The following AMN1 variants were observed in gnomAD, a reference collection of about 807,000 sequenced individuals.
AMN1 encodes the protein antagonist of mitotic exit network 1 homolog, also known as protein AMN1 homolog.
Under a neutral mutation model 33.0 loss-of-function variants are expected in AMN1, and 20 were observed. The ratio of observed to expected loss-of-function variants is 0.61; its 90% CI spans 0.43 to 0.88. The LOEUF (loss-of-function observed/expected upper bound fraction) is 0.88. AMN1 is among the 40% of genes least tolerant of loss of function. The probability of loss-of-function intolerance (pLI) is 0.00; values close to 1 mark genes in which losing one functional copy is unlikely to be tolerated. For synonymous variants in AMN1, 114 were observed against 111.9 expected, an observed-to-expected ratio of 1.02 and a Z score of -0.12; for missense variants, 246 against 307.4, an observed-to-expected ratio of 0.80 and a Z score of 1.49.
chr12:31,697,730 T>G lies in AMN1; in HGVS notation c.534+10A>C, dbSNP rs772724232. ...ATAGTCTATATGTTTGTAGCCTATA[T>G]GTCATTTACCTGAGTAGCTGAAAAG... On this transcript the variant is annotated intron_variant, in intron 4 of 6. Transcript: ENST00000281471. The G allele has an allele frequency of 1.4e-5, 23 of 1,611,288 alleles. No homozygotes were observed. Among genetic ancestry groups the G allele is most frequent in the Non-Finnish European group, 1.9e-5 (22 of 1,177,422 alleles).
chr12:31,724,072 A>T (rs1424535081), intron 1 of AMN1, among the ~76,000 whole-genome samples: 1 of 151,904 alleles, frequency 6.6e-6, no homozygotes, highest in African/African-American at 2.4e-5. Flanking sequence ...ACATTCTAAG[A>T]CTCCCTGTGG....
intron 1 of AMN1, among the ~76,000 whole-genome samples, chr12:31,710,857 T>C (rs1429489315): frequency 6.6e-6 from 1 of 152,182 alleles, no homozygotes; most frequent in Non-Finnish European, 1.5e-5. Context: ...TTTCTATTAG[T>C]AGTGTCAGAA....
chr12:31,676,427 T>G (rs1352369704), intron 6 of AMN1, among the ~76,000 whole-genome samples: 1 of 150,882 alleles, frequency 6.6e-6, no homozygotes, highest in East Asian at 2.0e-4. Context: ...CTGGGCAACA[T>G]GGCGAAACCC....
chr12:31,683,304 T>C lies in AMN1; in HGVS notation c.703+5703A>G, dbSNP rs559855665. Among the ~76,000 whole-genome samples, 1 of 152,362 alleles carries C rather than the reference T, an allele frequency of 6.6e-6. No individual in the cohort carries two copies. The highest frequency in any genetic ancestry group is 6.5e-5 in the Admixed American group (1 of 15,300). ...TCTTGCTGCAAATGTTGAAGTTGACTGATAATTTTTCTTTACCATAAAGCA... is the reference window on the plus strand; with the variant it reads ...TCTTGCTGCAAATGTTGAAGTTGACCGATAATTTTTCTTTACCATAAAGCA... On this transcript the variant is annotated intron_variant, in intron 6 of 6. Coordinates refer to ENST00000281471, the MANE Select transcript of AMN1 (RefSeq NM_001113402.2). The surrounding 1 kb of genome is among the most constrained non-coding windows in gnomAD (Gnocchi z 4.1).
upstream of AMN1, chr12:31,729,155 C>G: frequency 2.3e-6 from 2 of 860,530 alleles, no homozygotes; most frequent in Non-Finnish European, 3.5e-6. Context: ...GGCCACGCTT[C>G]GGACTCCACA....
intron 2 of AMN1, chr12:31,708,766 A>G (rs139383105): frequency 5.8e-6 from 1 of 171,084 alleles, no homozygotes; most frequent in East Asian, 1.8e-4. Flanking sequence ...ACCAGCCGAC[A>G]CTTAGGAAAA....
In AMN1 at chr12:31,687,469, T is replaced by C. The variant is rs1938313330; in HGVS notation, c.703+1538A>G. ...ACTTTGGGAGGCTGGGGTGGGTGGA[T>C]CATGAGGTCAGGAGCCTGGCCTGAC... On this transcript the variant is annotated intron_variant, in intron 6 of 6. Coordinates refer to ENST00000281471, the MANE Select transcript of AMN1 (RefSeq NM_001113402.2). The surrounding 1 kb of genome is among the most constrained non-coding windows in gnomAD (Gnocchi z 4.1). Among the ~76,000 whole-genome samples the C allele has an allele frequency of 6.6e-6, 1 of 152,056 alleles. No individual in the cohort carries two copies.
chr12:31,696,280 G>GTATTTGTT (rs1555187226), intron 5 of AMN1, among the ~76,000 whole-genome samples: 1 of 149,968 alleles, frequency 6.7e-6, no homozygotes, highest in East Asian at 2.0e-4. Context: ...AAATAAAAAA[G>GTATTTGTT]TATTTATTTA....
intron 1 of AMN1, among the ~76,000 whole-genome samples, chr12:31,711,237 A>G (rs1939454108): frequency 6.6e-6 from 1 of 151,716 alleles, no homozygotes; most frequent in South Asian, 2.1e-4. Flanking sequence ...TGTTATCTCC[A>G]TTTCCCACTC....
chr12:31,719,745 T>C (rs1329434761), intron 1 of AMN1, among the ~76,000 whole-genome samples: 2 of 152,148 alleles, frequency 1.3e-5, no homozygotes, highest in African/African-American at 2.4e-5. Flanking sequence ...GCAATTCCAG[T>C]TGGAGGTATC....
chr12:31,723,801 T>C (rs1191642486), intron 1 of AMN1, among the ~76,000 whole-genome samples: 2 of 152,132 alleles, frequency 1.3e-5, no homozygotes, highest in Non-Finnish European at 2.9e-5. Flanking sequence ...TCTCTGGCCC[T>C]TCACAGAAAG....
chr12:31,692,931 A>G (rs1938567401), intron 5 of AMN1, among the ~76,000 whole-genome samples: 1 of 152,220 alleles, frequency 6.6e-6, no homozygotes, highest in African/African-American at 2.4e-5. Flanking sequence ...CCACATATCT[A>G]GAATTGTATT....
intron 6 of AMN1, 44 bp downstream of exon 6, chr12:31,688,963 A>C (rs761495425): frequency 7.5e-7 from 1 of 1,330,040 alleles, no homozygotes; most frequent in Non-Finnish European, 1.1e-6. Flanking sequence ...CACACAGTAA[A>C]AGATGAAGCC....
At chr12:31,708,322 G>T (rs573390447) in intron 2 of AMN1, among the ~76,000 whole-genome samples, 2 of 152,126 alleles carry the variant, frequency 1.3e-5, no homozygotes, top group African/African-American at 2.4e-5. Context: ...TCCTATGGGA[G>T]TGTCTGTCCT....
intron 2 of AMN1, 51 bp from the exon 3 acceptor site, chr12:31,702,058 A>ATTTG: frequency 7.0e-7 from 1 of 1,428,016 alleles, no homozygotes; most frequent in Non-Finnish European, 9.4e-7. Context: ...ATAAATACAA[A>ATTTG]TATTTATTCC....
chr12:31,684,978 A>G (rs1385384848), intron 6 of AMN1, among the ~76,000 whole-genome samples: 2 of 151,752 alleles, frequency 1.3e-5, no homozygotes. Flanking sequence ...AGTGAGTTAC[A>G]TTTATATCAC....
At chr12:31,692,029 A>ACACC (rs1938521163) in intron 5 of AMN1, among the ~76,000 whole-genome samples, 1 of 151,778 alleles carries the variant, frequency 6.6e-6, no homozygotes, top group Non-Finnish European at 1.5e-5. Flanking sequence ...AGGCATGTGC[A>ACACC]AATATGCCTG....
intron 1 of AMN1, among the ~76,000 whole-genome samples, chr12:31,712,812 C>T (rs1193883132): frequency 6.6e-6 from 1 of 151,994 alleles, no homozygotes; most frequent in Non-Finnish European, 1.5e-5. Context: ...CATGCCACCA[C>T]ACTCAGCTAA....
chr12:31,689,509 A>C (rs1391280171), intron 5 of AMN1, among the ~76,000 whole-genome samples: 1 of 152,226 alleles, frequency 6.6e-6, no homozygotes, highest in Non-Finnish European at 1.5e-5. Context: ...AAAACAGCTA[A>C]AATGAAAAAT....
Sources: allele counts gnomAD v4.1 joint callset (sites outside exome capture counted in the v4.1 genomes callset), GRCh38; gene constraint gnomAD v4.1.1; non-coding constraint Gnocchi (gnomAD v3.1); transcripts MANE v1.5; gene names NCBI Gene and HGNC (gene_info 2026-07-23, HGNC 2026-07-21).